DUOX1: variants seen among roughly 807,000 people sequenced by gnomAD.
The protein encoded by DUOX1 is NADPH thyroid oxidase 1.
DUOX1 carries 134 observed loss-of-function variants against 181.8 expected under a neutral mutation model. That is an observed-to-expected ratio of 0.74 (90% CI 0.64 to 0.85). The LOEUF (loss-of-function observed/expected upper bound fraction) is 0.85. Ranked by LOEUF, DUOX1 falls within the 40% of genes least tolerant of loss-of-function variation. The pLI is 0.00. For synonymous variants in DUOX1, 798 were observed against 832.5 expected, an observed-to-expected ratio of 0.96 and a Z score of 0.71; for missense variants, 1,814 against 2,064.4, an observed-to-expected ratio of 0.88 and a Z score of 2.35.
chr15:45,145,229 T>A (rs1178955630), intron 18 of DUOX1, 149 bp downstream of exon 18: 2 of 742,830 alleles, frequency 2.7e-6, no homozygotes, highest in African/African-American at 3.5e-5. Flanking sequence ...CCAGACTTTA[T>A]CATAAGGAGT....
At chr15:45,133,441 T>C (rs2141250479) in intron 2 of DUOX1, among the ~76,000 whole-genome samples, 1 of 152,062 alleles carries the variant, frequency 6.6e-6, no homozygotes, top group South Asian at 2.1e-4. Context: ...CGGTATGGAG[T>C]GTGGCTGGCT....
At chr15:45,137,808 C>A in intron 9 of DUOX1, 116 bp from the exon 10 acceptor site, 1 of 774,292 alleles carries the variant, frequency 1.3e-6, no homozygotes, top group Non-Finnish European at 2.0e-6. Flanking sequence ...AACCACACAC[C>A]ACCTCGGAAA....
intron 18 of DUOX1, among the ~76,000 whole-genome samples, chr15:45,146,243 T>C (rs1896649947): frequency 6.6e-6 from 1 of 152,144 alleles, no homozygotes; most frequent in Admixed American, 6.5e-5. Context: ...GATCATGTGG[T>C]TGGGGAGAGG....
intron 28 of DUOX1, among the ~76,000 whole-genome samples, chr15:45,157,830 A>AG: frequency 6.7e-6 from 1 of 150,090 alleles, no homozygotes; most frequent in East Asian, 2.0e-4. Flanking sequence ...AAAAAAAAAA[A>AG]GAAATAAAAA....
intron 22 of DUOX1, 142 bp from the exon 23 acceptor site, chr15:45,150,981 A>T: frequency 8.2e-7 from 1 of 1,218,444 alleles, no homozygotes; most frequent in Non-Finnish European, 1.2e-6. Context: ...CTCTGTCTAT[A>T]GGTGACTGTG....
At chr15:45,140,161 G>C (rs1896453785) in intron 12 of DUOX1, 2 of 726,266 alleles carry the variant, frequency 2.8e-6, no homozygotes, top group African/African-American at 1.8e-5. Flanking sequence ...CAAGAGACCA[G>C]ATTGGGATAC....
At chr15:45,141,489 G>T (rs571525622) in intron 14 of DUOX1, 79 bp downstream of exon 14, 2 of 1,445,432 alleles carry the variant, frequency 1.4e-6, no homozygotes, top group African/African-American at 2.8e-5. Context: ...GGCTCAATGT[G>T]GCTGAACGTC....
chr15:45,150,525 C>A, intron 21 of DUOX1, 107 bp from the exon 22 acceptor site: 2 of 1,054,906 alleles, frequency 1.9e-6, no homozygotes, highest in Non-Finnish European at 2.9e-6. Context: ...TGGTCTGGGA[C>A]TGTCTACTGT....
At chr15:45,152,563 C>T (rs766126948) in intron 25 of DUOX1, 47 bp downstream of exon 25, 14 of 1,530,112 alleles carry the variant, frequency 9.1e-6, no homozygotes, top group East Asian at 2.3e-5. Flanking sequence ...CTCCCGCCCC[C>T]GCTGACTTCC....
At position 45,143,373 on chromosome 15, in the gene DUOX1, C is replaced by G. The variant is rs1290935234; in HGVS notation, c.1936+70C>G. On this transcript the variant is annotated intron_variant, in intron 16 of 33. Transcript: ENST00000389037. ...CAGCGCTACAGCTACCCACCTCCAC[C>G]CCAGCAGCCTAAGGAAAAGGCCTCC... 3.1e-6 allele frequency: 4 copies of G among 1,275,716 alleles called. No individual in the cohort carries two copies. In the African/African-American group the frequency reaches 5.9e-5, roughly 19 times the overall value. The allele number at this position is 1,275,716 out of a possible 1,614,324, so 79.0% of individuals were successfully genotyped here.
At chr15:45,135,428 T>C (rs986364860) in intron 5 of DUOX1, 46 bp from the exon 6 acceptor site, 165 of 1,532,412 alleles carry the variant, frequency 1.1e-4, no homozygotes, top group Non-Finnish European at 1.3e-4. Context: ...CTTCCCTAGC[T>C]CGCCGCCGCC....
chr15:45,135,722 T>TG (rs1896293262), intron 6 of DUOX1, 47 bp downstream of exon 6: 1 of 1,436,362 alleles, frequency 7.0e-7, no homozygotes. Flanking sequence ...TCTGCGAGTG[T>TG]GGGCTCCCCC....
In DUOX1 at chr15:45,163,913, C is replaced by T; in HGVS notation, c.4528C>T (p.Pro1510Ser). ...CTTCAACTCCCTGCAGGAGGTCCAC[C>T]CCCAGGTCAGTCCAACCCATAACCA... Reference protein sequence around the residue: ...PFFNSLQEVHPQVRKIGVFSC... With the variant: ...PFFNSLQEVHSQVRKIGVFSC... The change falls in exon 33 of 34, where the codon CCC (proline) becomes TCC (serine). Residue 1510 changes from proline to serine, a missense_variant. Pro to Ser is a moderately conservative substitution (Grantham distance 74). Around this residue, in one of 5 missense-constraint regions of DUOX1, gnomAD observed 124 missense variants for 125.7 expected, o/e 0.99. Coordinates refer to ENST00000389037, the MANE Select transcript of DUOX1 (RefSeq NM_175940.3). The T allele has an allele frequency of 1.2e-6, 2 of 1,613,976 alleles. No individual in the cohort carries two copies. The highest frequency in any genetic ancestry group is 1.7e-6 in the Non-Finnish European group (2 of 1,179,902).
At chr15:45,149,090 A>T (rs1896740489) in intron 21 of DUOX1, among the ~76,000 whole-genome samples, 1 of 152,028 alleles carries the variant, frequency 6.6e-6, no homozygotes, top group South Asian at 2.1e-4. Context: ...AGCAGGCAGG[A>T]GGGTCTGTCT....
At chr15:45,162,419 T>G (rs772614185) in intron 31 of DUOX1, 42 bp downstream of exon 31, 1 of 1,595,430 alleles carries the variant, frequency 6.3e-7, no homozygotes, top group Non-Finnish European at 8.6e-7. Flanking sequence ...TGGCCCCTTC[T>G]TCCTTGTCAT....
In DUOX1 at chr15:45,144,073, C is replaced by A; in HGVS notation, c.1974C>A (p.Pro658=). Residue 658 remains proline, a synonymous_variant, in exon 17 of 34, where the codon CCC becomes CCA. Transcript: ENST00000389037. ...EWQGHKEPCR[P]VLVYLQPGQI... Reference sequence around the variant, plus strand: ...AAGGCCACAAGGAGCCCTGCCGGCCCGTGCTTGTGTACCTGCAGCCCGGGC... The same window carrying A: ...AAGGCCACAAGGAGCCCTGCCGGCCAGTGCTTGTGTACCTGCAGCCCGGGC... 5 of 1,614,058 alleles carry A rather than the reference C, an allele frequency of 3.1e-6. No individual in the cohort carries two copies. The highest frequency in any genetic ancestry group is 4.2e-6 in the Non-Finnish European group (5 of 1,180,052).
rs1896418955 is a variant in DUOX1, at chr15:45,139,080, A to G, written c.1128A>G (p.Gln376=). The change falls in exon 11 of 34, where the codon CAA becomes CAG. Residue 376 remains glutamine (Q), a synonymous_variant. Coordinates refer to ENST00000389037, the MANE Select transcript of DUOX1 (RefSeq NM_175940.3). ...AACCTATAAAGCACCCAAGCCTACA[A>G]AGTGCTGAAGATGTGGATGCACTGC... ...SYWSREHPSL[Q]SAEDVDALLL... 2 of 1,613,878 alleles carry G rather than the reference A, an allele frequency of 1.2e-6. No individual in the cohort carries two copies. The highest frequency in any genetic ancestry group is 1.7e-5 in the Admixed American group (1 of 60,004).
intron 28 of DUOX1, among the ~76,000 whole-genome samples, chr15:45,160,325 G>C (rs778893241): frequency 5.3e-5 from 8 of 152,174 alleles, no homozygotes; most frequent in Non-Finnish European, 1.0e-4. Context: ...GGCATTCCAG[G>C]CAGGAGATGC....
Position 45,135,283 on chromosome 15 carries a change from C to A in DUOX1, c.487C>A (p.Arg163=). 6.2e-7 allele frequency: 1 copy of A among 1,609,050 alleles called. No individual in the cohort carries two copies. Among genetic ancestry groups the A allele is most frequent in the Non-Finnish European group, 8.5e-7 (1 of 1,178,190 alleles). ...PETGRSPSNP[R]DPANQVTGWL... ...GACCGGACGGAGTCCCAGCAATCCC[C>A]GGGACCCGGTGAGGCGGGGAAGGCG... The change falls in exon 5 of 34, where the codon CGG becomes AGG. Residue 163 remains arginine, a synonymous_variant. Transcript: ENST00000389037.
Sources: allele counts gnomAD v4.1 joint callset (sites outside exome capture counted in the v4.1 genomes callset), GRCh38; gene constraint gnomAD v4.1.1; regional missense constraint gnomAD v4.1.1; transcripts MANE v1.5; gene names NCBI Gene and HGNC (gene_info 2026-07-23, HGNC 2026-07-21).